The following TMTC2 variants were observed in gnomAD, a reference collection of about 807,000 sequenced individuals.
TMTC2 encodes protein O-mannosyl-transferase TMTC2.
TMTC2 carries 43 observed loss-of-function variants against 82.4 expected under a neutral mutation model. That is an observed-to-expected ratio of 0.52 (90% CI 0.41 to 0.67). The LOEUF (loss-of-function observed/expected upper bound fraction) is 0.67. Among genes scored for constraint, TMTC2 ranks in the 30% least tolerant of loss-of-function variants. The probability of loss-of-function intolerance (pLI) is 0.00; values close to 1 mark genes in which losing one functional copy is unlikely to be tolerated. For missense variants in TMTC2, 919 were observed against 1,012.4 expected (o/e 0.91, Z 1.25); for synonymous variants, 408 against 381.9 (o/e 1.07, Z -0.80).
intron 3 of TMTC2, among the ~76,000 whole-genome samples, chr12:82,900,833 T>C (rs1421812918): frequency 7.6e-6 from 1 of 131,402 alleles, no homozygotes; most frequent in Non-Finnish European, 1.6e-5. Flanking sequence ...ATACCTGGAA[T>C]ATATATATAT....
intron 1 of TMTC2, among the ~76,000 whole-genome samples, chr12:82,696,314 ATTC>A (rs1340071507): frequency 6.6e-6 from 1 of 152,210 alleles, no homozygotes; most frequent in Non-Finnish European, 1.5e-5. Context: ...TAGGAAGGTT[ATTC>A]TTGTTATTCT....
At chr12:82,749,304 A>T (rs189948848) in intron 1 of TMTC2, among the ~76,000 whole-genome samples, 1 of 130,198 alleles carries the variant, frequency 7.7e-6, no homozygotes, top group East Asian at 2.4e-4. Context: ...TTTAATTTAG[A>T]CTGCTTCTAC....
intron 4 of TMTC2, among the ~76,000 whole-genome samples, chr12:82,943,811 C>T (rs1876848796): frequency 6.6e-6 from 1 of 152,116 alleles, no homozygotes; most frequent in African/African-American, 2.4e-5. Flanking sequence ...GAGTGATAGA[C>T]ATCATATTAA....
intron 4 of TMTC2, among the ~76,000 whole-genome samples, chr12:82,931,047 T>G (rs1592635873): frequency 6.6e-6 from 1 of 152,276 alleles, no homozygotes; most frequent in African/African-American, 2.4e-5. Flanking sequence ...TAGCTAAGAC[T>G]GCAGGTGCCT....
chr12:82,900,561 A>G (rs1380761750), intron 3 of TMTC2, among the ~76,000 whole-genome samples: 5 of 136,084 alleles, frequency 3.7e-5, no homozygotes, highest in African/African-American at 1.4e-4. Flanking sequence ...ATAGATATGT[A>G]GGAATGTATA....
At chr12:82,805,982 A>T (rs1436373414) in intron 1 of TMTC2, among the ~76,000 whole-genome samples, 1 of 152,124 alleles carries the variant, frequency 6.6e-6, no homozygotes, top group African/African-American at 2.4e-5. Context: ...ATCCTTGATG[A>T]TGCAGCTCAT....
intron 3 of TMTC2, among the ~76,000 whole-genome samples, chr12:82,918,071 C>A (rs190919610): frequency 6.6e-6 from 1 of 152,192 alleles, no homozygotes; most frequent in East Asian, 1.9e-4. Flanking sequence ...GCATGCATCA[C>A]CATGTCTGGC....
intron 1 of TMTC2, among the ~76,000 whole-genome samples, chr12:82,763,705 A>G (rs1413762742): frequency 6.6e-6 from 1 of 152,248 alleles, no homozygotes; most frequent in African/African-American, 2.4e-5. Context: ...TTAAGAAGGA[A>G]AATAAAGCTA....
At chr12:82,918,738 C>A (rs1038490795) in intron 3 of TMTC2, among the ~76,000 whole-genome samples, 3 of 145,226 alleles carry the variant, frequency 2.1e-5, no homozygotes, top group African/African-American at 7.7e-5. Flanking sequence ...CTCTCTCTCT[C>A]TTTCTCTCCC....
intron 1 of TMTC2, among the ~76,000 whole-genome samples, chr12:82,735,772 C>T (rs1327436635): frequency 6.6e-6 from 1 of 151,632 alleles, no homozygotes; most frequent in African/African-American, 2.4e-5. Context: ...CAAGACCAGC[C>T]TGGCCAACAT....
At chr12:82,723,598 C>T (rs1874309574) in intron 1 of TMTC2, among the ~76,000 whole-genome samples, 1 of 152,142 alleles carries the variant, frequency 6.6e-6, no homozygotes, top group African/African-American at 2.4e-5. Context: ...CTTGGGAATG[C>T]TGAATAAACT....
At chr12:83,001,040 G>C (rs972045403) in intron 8 of TMTC2, among the ~76,000 whole-genome samples, 1 of 152,052 alleles carries the variant, frequency 6.6e-6, no homozygotes, top group Admixed American at 6.6e-5. Flanking sequence ...CCCTGGGCCG[G>C]ACTCACAAAA....
intron 1 of TMTC2, among the ~76,000 whole-genome samples, chr12:82,714,010 G>C (rs1310901196): frequency 6.6e-6 from 1 of 152,188 alleles, no homozygotes; most frequent in Non-Finnish European, 1.5e-5. Context: ...TAATAATCAC[G>C]TGAGGTGTAG....
chr12:83,083,572 C>T lies in TMTC2; in HGVS notation c.2331+21741C>T, dbSNP rs571912927. Reference sequence around the variant, plus strand: ...GATGGCAGGTACTTGGTTCTTCTCACCTTGCTTTCCCGAGCGCGTAGACTG... The same window carrying T: ...GATGGCAGGTACTTGGTTCTTCTCATCTTGCTTTCCCGAGCGCGTAGACTG... On this transcript the variant is annotated intron_variant, in intron 11 of 11. Coordinates refer to ENST00000321196, the MANE Select transcript of TMTC2 (RefSeq NM_152588.3). Among the ~76,000 whole-genome samples the T allele has an allele frequency of 4.6e-5, 7 of 152,260 alleles. No individual in the cohort carries two copies. The South Asian group carries it at 1.0e-3, about 23-fold the overall frequency.
intron 1 of TMTC2, among the ~76,000 whole-genome samples, chr12:82,728,886 T>G (rs6539681): frequency 2.6e-5 from 4 of 152,214 alleles, no homozygotes; most frequent in African/African-American, 9.6e-5. Context: ...CCCGCTGCAC[T>G]GGGCAGTGAG....
At position 82,687,771 on chromosome 12, in the gene TMTC2, G is replaced by A. The variant is rs932679125; in HGVS notation, c.83+102G>A. Reference sequence around the variant, plus strand: ...GCTCAAAGTGCGTCTTGGAGGAACTGGTTCAGCACCTGATGGTTTAGGCGA... The same window carrying A: ...GCTCAAAGTGCGTCTTGGAGGAACTAGTTCAGCACCTGATGGTTTAGGCGA... On this transcript the variant is annotated intron_variant, in intron 1 of 11. Transcript: ENST00000321196. 6 of 1,141,956 alleles carry A rather than the reference G, an allele frequency of 5.3e-6. No individual in the cohort carries two copies. In the African/African-American group the frequency reaches 7.6e-5, roughly 15 times the overall value. The allele number at this position is 1,141,956 out of a possible 1,614,324, so 70.7% of individuals were successfully genotyped here.
chr12:83,091,194 T>C (rs1044876626), intron 11 of TMTC2, among the ~76,000 whole-genome samples: 4 of 152,202 alleles, frequency 2.6e-5, no homozygotes, highest in African/African-American at 9.7e-5. Flanking sequence ...GTCTTTGGCA[T>C]TGAACTAAAC....
intron 9 of TMTC2, among the ~76,000 whole-genome samples, chr12:83,036,387 A>T (rs1324814618): frequency 6.6e-6 from 1 of 151,616 alleles, no homozygotes; most frequent in African/African-American, 2.4e-5. Context: ...CTGTATTATT[A>T]TTATTTGGCT....
At chr12:82,808,758 C>T (rs1376210847) in intron 1 of TMTC2, among the ~76,000 whole-genome samples, 1 of 152,004 alleles carries the variant, frequency 6.6e-6, no homozygotes, top group Non-Finnish European at 1.5e-5. Context: ...AGCCTTTTTA[C>T]TGGACAGAGT....
Sources: allele counts gnomAD v4.1 joint callset (sites outside exome capture counted in the v4.1 genomes callset), GRCh38; gene constraint gnomAD v4.1.1; transcripts MANE v1.5; gene names NCBI Gene and HGNC (gene_info 2026-07-23, HGNC 2026-07-21).